The following CRYL1 variants were observed in gnomAD, a reference collection of about 807,000 sequenced individuals.
The protein encoded by CRYL1 is lambda-crystallin homolog.
A neutral mutation model predicts 36.6 loss-of-function variants in CRYL1; 29 were observed. The observed-to-expected ratio is 0.79, with a 90% CI of 0.59 to 1.08. CRYL1 has a LOEUF of 1.08. Among genes scored for constraint, CRYL1 ranks in the 50% least tolerant of loss-of-function variants. The pLI, the probability that CRYL1 is intolerant of heterozygous loss-of-function variation, is 0.00. For missense variants in CRYL1, 411 were observed against 407.9 expected, an observed-to-expected ratio of 1.01 and a Z score of -0.06; for synonymous variants, 152 against 151.5, an observed-to-expected ratio of 1.00 and a Z score of -0.02.
intron 3 of CRYL1, among the ~76,000 whole-genome samples, chr13:20,446,887 G>C (rs922277170): frequency 6.6e-6 from 1 of 152,062 alleles, no homozygotes; most frequent in Non-Finnish European, 1.5e-5. Context: ...TCTTCATTGT[G>C]GCTACTAAGA....
At chr13:20,455,749 T>C (rs2137423851) in intron 3 of CRYL1, among the ~76,000 whole-genome samples, 1 of 152,300 alleles carries the variant, frequency 6.6e-6, no homozygotes, top group South Asian at 2.1e-4. Context: ...ACAAACTGAT[T>C]CTAAGATATG....
At chr13:20,405,541 G>A (rs1168049674) in intron 6 of CRYL1, among the ~76,000 whole-genome samples, 1 of 152,248 alleles carries the variant, frequency 6.6e-6, no homozygotes, top group Non-Finnish European at 1.5e-5. Context: ...AGTTAGCACT[G>A]TATTGGGTAC....
intron 5 of CRYL1, among the ~76,000 whole-genome samples, chr13:20,419,919 C>T (rs982366469): frequency 6.6e-6 from 1 of 152,208 alleles, no homozygotes; most frequent in Non-Finnish European, 1.5e-5. Flanking sequence ...CCCAGTGGTT[C>T]CCACCCACGC....
intron 1 of CRYL1, among the ~76,000 whole-genome samples, chr13:20,519,696 T>A (rs952169438): frequency 8.5e-5 from 13 of 152,050 alleles, no homozygotes; most frequent in Non-Finnish European, 1.8e-4. Context: ...CTTCAGTAGA[T>A]AAACGGCAAG....
At chr13:20,432,430 A>T (rs1313293285) in intron 4 of CRYL1, 134 bp from the exon 5 acceptor site, 4 of 563,872 alleles carry the variant, frequency 7.1e-6, no homozygotes, top group African/African-American at 5.6e-5. Flanking sequence ...CAACAACAAG[A>T]TACTTGAGAA....
chr13:20,512,880 G>A (rs558829588), intron 1 of CRYL1, among the ~76,000 whole-genome samples: 1 of 152,250 alleles, frequency 6.6e-6, no homozygotes, highest in South Asian at 2.1e-4. Context: ...GAGCTTGATA[G>A]CACTGTAGGG....
intron 3 of CRYL1, among the ~76,000 whole-genome samples, chr13:20,470,782 C>T (rs955152201): frequency 4.0e-5 from 6 of 151,734 alleles, no homozygotes; most frequent in Admixed American, 6.6e-5. Context: ...CAGTGGCAGG[C>T]GCCTGTAATC....
intron 4 of CRYL1, among the ~76,000 whole-genome samples, chr13:20,437,309 ATT>A (rs5802073): frequency 4.1e-4 from 59 of 144,320 alleles, no homozygotes; most frequent in East Asian, 1.0e-3. Context: ...AGGAAGATTA[ATT>A]TTTTTTTTTT....
intron 4 of CRYL1, among the ~76,000 whole-genome samples, chr13:20,436,035 G>A (rs1460584740): frequency 6.6e-6 from 1 of 152,230 alleles, no homozygotes; most frequent in Non-Finnish European, 1.5e-5. Context: ...TTTGCAGACA[G>A]CAAGCCCATA....
intron 2 of CRYL1, among the ~76,000 whole-genome samples, chr13:20,505,489 T>C (rs2137498310): frequency 6.6e-6 from 1 of 152,250 alleles, no homozygotes; most frequent in East Asian, 1.9e-4. Context: ...TAGAAAAGGT[T>C]CCTGTGACTC....
chr13:20,501,346 C>T (rs926824878), intron 2 of CRYL1, among the ~76,000 whole-genome samples: 3 of 152,196 alleles, frequency 2.0e-5, no homozygotes, highest in African/African-American at 7.2e-5. Flanking sequence ...GCAAAGCTCA[C>T]AGTCTGGGCC....
At chr13:20,511,425 T>C (rs2033916536) in intron 2 of CRYL1, among the ~76,000 whole-genome samples, 1 of 152,120 alleles carries the variant, frequency 6.6e-6, no homozygotes. Flanking sequence ...CATTTTACCC[T>C]CGCATTGACT....
intron 1 of CRYL1, among the ~76,000 whole-genome samples, chr13:20,523,954 C>T (rs112632904): frequency 6.6e-6 from 1 of 152,290 alleles, no homozygotes; most frequent in East Asian, 1.9e-4. Context: ...TAACACTACT[C>T]CAAGGCATGA....
intron 2 of CRYL1, among the ~76,000 whole-genome samples, chr13:20,495,892 G>A (rs2033597486): frequency 6.6e-6 from 1 of 152,166 alleles, no homozygotes; most frequent in Admixed American, 6.6e-5. Context: ...CCCCCTCCCG[G>A]CTTCAGGCGA....
At position 20,507,872 on chromosome 13, in the gene CRYL1, C is replaced by T. The variant is rs1340961284; in HGVS notation, c.149+4571G>A. ...GGCGGAGCTTGCAGTGAGCCAAGAT[C>T]GAGCCACTGCACTCCAGCCTGGGCA... On this transcript the variant is annotated intron_variant, in intron 2 of 7. Transcript: ENST00000298248. 4.0e-5 allele frequency among the ~76,000 whole-genome samples: 6 copies of T among 150,226 alleles called. No individual in the cohort carries two copies. The East Asian group carries it at 7.8e-4, about 20-fold the overall frequency.
In CRYL1 at chr13:20,460,588, C is replaced by G. The variant is rs867795774; in HGVS notation, c.277-20834G>C. On this transcript the variant is annotated intron_variant, in intron 3 of 7. Coordinates refer to ENST00000298248, the MANE Select transcript of CRYL1 (RefSeq NM_015974.3). ...TCGCCCAGGCTGGAGTGCAGTGGCG[C>G]TATCTCGGCTCACTGCAAGCTCCGC... 2.1e-4 allele frequency among the ~76,000 whole-genome samples: 28 copies of G among 131,226 alleles called. 1 individual carries two copies. Among genetic ancestry groups the G allele is most frequent in the Non-Finnish European group, 1.9e-4 (12 of 64,020 alleles). The allele number at this position is 131,226 out of a possible 152,430, so 86.1% of individuals were successfully genotyped here.
At chr13:20,439,538 A>G (rs1035214746) in intron 4 of CRYL1, 55 bp downstream of exon 4, 16 of 1,380,432 alleles carry the variant, frequency 1.2e-5, no homozygotes, top group African/African-American at 1.5e-5. Flanking sequence ...AAAGAAAAAA[A>G]AAAAACACAG....
intron 3 of CRYL1, among the ~76,000 whole-genome samples, chr13:20,456,398 C>A (rs2137424598): frequency 6.6e-6 from 1 of 151,000 alleles, no homozygotes; most frequent in East Asian, 1.9e-4. Context: ...TCACTTGAAC[C>A]TGGGAGGTGG....
At chr13:20,412,591 T>C (rs909191313) in intron 6 of CRYL1, among the ~76,000 whole-genome samples, 2 of 152,230 alleles carry the variant, frequency 1.3e-5, no homozygotes, top group African/African-American at 4.8e-5. Context: ...TAGGTTTTAT[T>C]GGTTATCAAA....
Sources: allele counts gnomAD v4.1 joint callset (sites outside exome capture counted in the v4.1 genomes callset), GRCh38; gene constraint gnomAD v4.1.1; transcripts MANE v1.5; gene names NCBI Gene and HGNC (gene_info 2026-07-23, HGNC 2026-07-21).